FGF13: variants seen among roughly 807,000 people sequenced by gnomAD.
The protein encoded by FGF13 is fibroblast growth factor 13.
A neutral mutation model predicts 19.5 loss-of-function variants in FGF13; 2 were observed. That is an observed-to-expected ratio of 0.10 (90% CI 0.04 to 0.32). The LOEUF (loss-of-function observed/expected upper bound fraction) is 0.32. Among genes scored for constraint, FGF13 ranks in the 10% least tolerant of loss-of-function variants. The probability of loss-of-function intolerance (pLI) is 1.00; values close to 1 mark genes in which losing one functional copy is unlikely to be tolerated. For missense variants in FGF13, 113 were observed against 192.7 expected, an observed-to-expected ratio of 0.59 and a Z score of 2.45; for synonymous variants, 72 against 76.9, an observed-to-expected ratio of 0.94 and a Z score of 0.33.
At chrX:139,148,163 A>C (rs1295882243) in intron 1 of FGF13, among the ~76,000 whole-genome samples, 1 of 111,141 alleles carries the variant, frequency 9.0e-6, no homozygotes, top group Non-Finnish European at 1.9e-5. Flanking sequence ...TTACCAACCA[A>C]GTAGGAGCAA....
In FGF13 at chrX:138,982,490, A is replaced by G. The variant is rs186459032; in HGVS notation, c.-112-117840T>C. Among the ~76,000 whole-genome samples the G allele has an allele frequency of 2.6e-3, 290 of 112,205 alleles. 2 individuals carry two copies. The highest frequency in any genetic ancestry group is 8.9e-3 in the African/African-American group (274 of 30,851). On this transcript the variant is annotated intron_variant, in intron 1 of 2. Coordinates refer to the FGF13 transcript ENST00000421460. Reference sequence around the variant, plus strand: ...AGCTCAGAAGGTGTGTATTTGAATGAGGAACAGATTATTACTAGTGGGGGA... The same window carrying G: ...AGCTCAGAAGGTGTGTATTTGAATGGGGAACAGATTATTACTAGTGGGGGA...
chrX:138,834,251 G>T (rs1377193791), intron 3 of FGF13, among the ~76,000 whole-genome samples: 2 of 111,879 alleles, frequency 1.8e-5, no homozygotes, highest in Non-Finnish European at 3.8e-5. Context: ...ACAACTGGTA[G>T]AATTCAGCTG....
At chrX:139,200,878 C>A (rs2084409704) in intron 1 of FGF13, among the ~76,000 whole-genome samples, 1 of 112,304 alleles carries the variant, frequency 8.9e-6, no homozygotes, top group Non-Finnish European at 1.9e-5. Context: ...CTGAAAAGAT[C>A]TTATGTGACA....
upstream of FGF13, chrX:139,203,917 C>G (rs935013263): frequency 1.7e-5 from 10 of 578,055 alleles, no homozygotes; most frequent in Admixed American, 1.2e-4. Flanking sequence ...CCTCTGCCCC[C>G]CCTTTTCTCC....
intron 3 of FGF13, among the ~76,000 whole-genome samples, chrX:138,761,865 G>A (rs1184695671): frequency 1.8e-5 from 2 of 110,552 alleles, no homozygotes; most frequent in East Asian, 2.9e-4. Context: ...TTACTGCGTC[G>A]TTTTCCACTT....
At chrX:139,154,428 A>T (rs188725952) in intron 1 of FGF13, among the ~76,000 whole-genome samples, 8 of 111,995 alleles carry the variant, frequency 7.1e-5, no homozygotes, top group African/African-American at 2.6e-4. Flanking sequence ...AGGACAACAT[A>T]TCAATTGTCT....
chrX:138,696,204 T>C (rs959376856), intron 3 of FGF13, among the ~76,000 whole-genome samples: 1 of 112,407 alleles, frequency 8.9e-6, no homozygotes, highest in African/African-American at 3.2e-5. Context: ...AAGAGTCTTC[T>C]AAACTTTATG....
intron 1 of FGF13, among the ~76,000 whole-genome samples, chrX:138,934,450 T>C (rs2091721124): frequency 8.9e-6 from 1 of 112,504 alleles, no homozygotes; most frequent in African/African-American, 3.2e-5. Context: ...CCTGCCATCA[T>C]GCTAAAAACT....
chrX:138,630,153 C>T lies in FGF13; in HGVS notation c.*2697G>A, dbSNP rs1443377158. 9.0e-6 allele frequency: 1 copy of T among 110,771 alleles called. No individual in the cohort carries two copies. Among genetic ancestry groups the T allele is most frequent in the Non-Finnish European group, 1.9e-5 (1 of 52,999 alleles). The allele number at this position is 110,771 out of a possible 1,213,427, so 9.1% of individuals were successfully genotyped here. A position where few individuals can be genotyped will look rare whatever the true frequency, so the allele number is the denominator to read the frequency against. On this transcript the variant is annotated 3_prime_UTR_variant, in exon 5 of 5. Transcript: ENST00000315930. ...TTTTAACACCACTGTCTGTTTAAAG[C>T]AACTTTAAGGCAGCTCAAAAAGAAT...
At chrX:138,819,185 T>C (rs2090982284) in intron 3 of FGF13, among the ~76,000 whole-genome samples, 1 of 111,764 alleles carries the variant, frequency 8.9e-6, no homozygotes. Context: ...ACTTCTTATG[T>C]AGCCTTTTTG....
At chrX:138,799,575 T>A (rs2090811367) in intron 3 of FGF13, among the ~76,000 whole-genome samples, 1 of 111,369 alleles carries the variant, frequency 9.0e-6, no homozygotes, top group African/African-American at 3.3e-5. Context: ...GTCTATTAGG[T>A]CAGCTTGGTC....
chrX:138,862,785 C>A (rs2091295539), intron 2 of FGF13, among the ~76,000 whole-genome samples: 1 of 112,108 alleles, frequency 8.9e-6, no homozygotes, highest in African/African-American at 3.2e-5. Context: ...AATGGTCTTT[C>A]AATTTGTTCA....
chrX:138,750,680 T>C (rs1432775750), intron 3 of FGF13, among the ~76,000 whole-genome samples: 1 of 111,464 alleles, frequency 9.0e-6, no homozygotes, highest in Non-Finnish European at 1.9e-5. Context: ...ACACATACAT[T>C]CAGTGTTAGG....
At chrX:138,692,086 G>A (rs1426348393) in intron 3 of FGF13, among the ~76,000 whole-genome samples, 1 of 111,013 alleles carries the variant, frequency 9.0e-6, no homozygotes, top group Non-Finnish European at 1.9e-5. Flanking sequence ...ACTTTCTTAT[G>A]TAATTTTGAA....
intron 3 of FGF13, among the ~76,000 whole-genome samples, chrX:138,689,396 C>A (rs779425023): frequency 7.1e-4 from 15 of 21,090 alleles, no homozygotes; most frequent in South Asian, 4.2e-3. Flanking sequence ...CCTACACTCA[C>A]GCCCCAAGTG....
At chrX:139,107,009 C>A (rs954349874) in intron 1 of FGF13, among the ~76,000 whole-genome samples, 27 of 110,403 alleles carry the variant, frequency 2.4e-4, no homozygotes, top group African/African-American at 7.8e-4. Context: ...CAAAGCTATG[C>A]TATTTTTTTT....
chrX:139,046,824 A>G (rs1167655995), intron 1 of FGF13, among the ~76,000 whole-genome samples: 2 of 111,611 alleles, frequency 1.8e-5, no homozygotes, highest in Non-Finnish European at 3.8e-5. Flanking sequence ...GGGTTCCTCA[A>G]ATTCGATATT....
intron 1 of FGF13, among the ~76,000 whole-genome samples, chrX:139,140,414 A>C (rs1466298829): frequency 9.0e-6 from 1 of 111,319 alleles, no homozygotes; most frequent in Non-Finnish European, 1.9e-5. Context: ...CTAACTAACT[A>C]TCTGATATTC....
Position 138,687,297 on chromosome X carries a change from AAAAT to A in FGF13, c.402+15683_402+15686del, listed in dbSNP as rs749155043. ...ATATAATGAACACAACTCAATAGCA[AAAAT>A]AAATAAATAAATAAATAAATCCAAT... On this transcript the variant is annotated intron_variant, in intron 3 of 4. Coordinates refer to ENST00000315930, the MANE Select transcript of FGF13 (RefSeq NM_004114.5). Among the ~76,000 whole-genome samples, 34 of 111,632 alleles carry A rather than the reference AAAAT, an allele frequency of 3.0e-4. No individual in the cohort carries two copies. The East Asian group carries it at 3.7e-3, about 12-fold the overall frequency.
Sources: allele counts gnomAD v4.1 joint callset (sites outside exome capture counted in the v4.1 genomes callset), GRCh38; gene constraint gnomAD v4.1.1; transcripts MANE v1.5; gene names NCBI Gene and HGNC (gene_info 2026-07-23, HGNC 2026-07-21).